The following CA10 variants were observed in gnomAD, a reference collection of about 807,000 sequenced individuals.
CA10 encodes the protein carbonic anhydrase-related protein 10.
Under a neutral mutation model 44.2 loss-of-function variants are expected in CA10, and 14 were observed. The ratio of observed to expected loss-of-function variants is 0.32; its 90% confidence interval spans 0.21 to 0.50. The LOEUF is 0.50. Among genes scored for constraint, CA10 ranks in the 20% least tolerant of loss-of-function variants. The pLI is 0.99. For synonymous variants in CA10, 159 were observed against 141.6 expected (o/e 1.12, Z -0.87); for missense variants, 350 against 409.7 (o/e 0.85, Z 1.26).
chr17:51,920,049 C>T (rs1203445938), intron 3 of CA10, among the ~76,000 whole-genome samples: 1 of 152,180 alleles, frequency 6.6e-6, no homozygotes, highest in East Asian at 1.9e-4. Context: ...GGAAAACATT[C>T]TCTCTTGTAG....
chr17:51,658,199 T>C (rs886078), intron 4 of CA10, among the ~76,000 whole-genome samples: 124,133 of 152,084 alleles, frequency 0.82, 51,046 homozygotes, highest in Non-Finnish European at 0.86. Context: ...GACTTCTCAT[T>C]TCAGAAAGGC....
intron 1 of CA10, among the ~76,000 whole-genome samples, chr17:52,075,324 T>C (rs1285153731): frequency 2.0e-5 from 3 of 152,190 alleles, no homozygotes. Context: ...TCATATTATA[T>C]TAGAGATTCC....
intron 2 of CA10, among the ~76,000 whole-genome samples, chr17:51,937,789 A>C (rs1227343122): frequency 6.6e-6 from 1 of 152,182 alleles, no homozygotes; most frequent in Non-Finnish European, 1.5e-5. Context: ...GGCTTAAATT[A>C]ATTCAGAGCA....
intron 3 of CA10, among the ~76,000 whole-genome samples, chr17:51,904,632 A>T (rs775648112): frequency 9.2e-5 from 14 of 152,190 alleles, no homozygotes; most frequent in Non-Finnish European, 1.3e-4. Flanking sequence ...TGCATTTGGA[A>T]ATCTTATATG....
intron 2 of CA10, among the ~76,000 whole-genome samples, chr17:51,974,812 G>GA (rs1045771976): frequency 5.9e-5 from 9 of 152,068 alleles, no homozygotes; most frequent in African/African-American, 1.9e-4. Flanking sequence ...TGATAGGGCT[G>GA]AAAAAAACTC....
At chr17:51,826,277 C>T (rs185898479) in intron 3 of CA10, among the ~76,000 whole-genome samples, 23 of 152,266 alleles carry the variant, frequency 1.5e-4, no homozygotes, top group Non-Finnish European at 1.2e-4. Flanking sequence ...TCTGGGACAC[C>T]GTCAGCAAAG....
chr17:51,735,386 G>A (rs1241739453), intron 4 of CA10, among the ~76,000 whole-genome samples: 5 of 152,234 alleles, frequency 3.3e-5, no homozygotes, highest in South Asian at 4.2e-4. Flanking sequence ...TACTGGAGGG[G>A]CAGGGAGAGA....
At chr17:52,053,268 C>T (rs1449125962) in intron 2 of CA10, among the ~76,000 whole-genome samples, 2 of 152,040 alleles carry the variant, frequency 1.3e-5, no homozygotes, top group African/African-American at 4.8e-5. Flanking sequence ...GGTGTAACTG[C>T]AGAGGAAATC....
At chr17:52,081,799 CAAAAAAAAA>C (rs10707842) in intron 1 of CA10, among the ~76,000 whole-genome samples, 2 of 78,332 alleles carry the variant, frequency 2.6e-5, no homozygotes, top group Non-Finnish European at 5.1e-5. Flanking sequence ...GACTCCGTCT[CAAAAAAAAA>C]AAAAAAAAAA....
chr17:51,661,049 T>C (rs1597969186), intron 4 of CA10, among the ~76,000 whole-genome samples: 1 of 152,136 alleles, frequency 6.6e-6, no homozygotes, highest in African/African-American at 2.4e-5. Context: ...TGATCCACTG[T>C]CATGGCACTC....
intron 4 of CA10, among the ~76,000 whole-genome samples, chr17:51,682,411 T>G (rs1914877016): frequency 6.6e-6 from 1 of 152,160 alleles, no homozygotes; most frequent in South Asian, 2.1e-4. Context: ...TTGACAAGAC[T>G]GATTATATGG....
At chr17:51,808,094 TA>T (rs1907202668) in intron 3 of CA10, among the ~76,000 whole-genome samples, 1 of 152,206 alleles carries the variant, frequency 6.6e-6, no homozygotes, top group Non-Finnish European at 1.5e-5. Flanking sequence ...GGTTTAAGAA[TA>T]TTAGGCTTAG....
intron 2 of CA10, among the ~76,000 whole-genome samples, chr17:51,970,010 A>G (rs1378980794): frequency 6.6e-6 from 1 of 152,194 alleles, no homozygotes; most frequent in East Asian, 1.9e-4. Flanking sequence ...GTAGAGTAAT[A>G]TAAGCTCAAA....
intron 4 of CA10, among the ~76,000 whole-genome samples, chr17:51,721,147 T>G (rs1307879964): frequency 6.6e-6 from 1 of 151,980 alleles, no homozygotes; most frequent in African/African-American, 2.4e-5. Flanking sequence ...CTGGCCAACA[T>G]GGCGAAACCC....
chr17:51,986,343 CA>C, intron 2 of CA10, among the ~76,000 whole-genome samples: 1 of 152,172 alleles, frequency 6.6e-6, no homozygotes, highest in African/African-American at 2.4e-5. Context: ...TCACCTTATA[CA>C]AAAATCAACT....
At chr17:51,959,573 T>C (rs529997231) in intron 2 of CA10, among the ~76,000 whole-genome samples, 2 of 152,052 alleles carry the variant, frequency 1.3e-5, no homozygotes, top group African/African-American at 4.8e-5. Context: ...GGCGCATGCA[T>C]TGAAATTAAC....
At chr17:51,709,021 A>G (rs532692932) in intron 4 of CA10, among the ~76,000 whole-genome samples, 131 of 152,194 alleles carry the variant, frequency 8.6e-4, no homozygotes, top group African/African-American at 3.1e-3. Context: ...GTGAGTCAGT[A>G]CTCCTTAATA....
chr17:51,964,784 A>G lies in CA10; in HGVS notation c.137-33652T>C, dbSNP rs141886530. ...TGCTAAAAGGAAAGTTTAAAGCACT[A>G]AATCCCTACCTCAAAAACTTAGATC... On this transcript the variant is annotated intron_variant, in intron 2 of 8. Coordinates refer to ENST00000451037, the MANE Select transcript of CA10 (RefSeq NM_020178.5). Among the ~76,000 whole-genome samples, 633 of 152,120 alleles carry G rather than the reference A, an allele frequency of 4.2e-3. 5 individuals are homozygous for G. The highest frequency in any genetic ancestry group is 0.014 in the African/African-American group (593 of 41,562).
chr17:52,043,462 G>T (rs1292304390), intron 2 of CA10, among the ~76,000 whole-genome samples: 1 of 151,828 alleles, frequency 6.6e-6, no homozygotes, highest in East Asian at 1.9e-4. Context: ...ACAGTTTCTT[G>T]GTGGAGTTTT....
Sources: gnomAD v4.1 joint callset for allele counts (sites outside exome capture counted in the v4.1 genomes callset) on GRCh38, gnomAD v4.1.1 for gene constraint, MANE v1.5 for transcripts, NCBI Gene and HGNC (gene_info 2026-07-23, HGNC 2026-07-21) for gene names.